The following IFT140 variants were observed in gnomAD, a reference collection of about 807,000 sequenced individuals.
IFT140 encodes the protein intraflagellar transport protein 140 homolog.
A neutral mutation model predicts 164.6 loss-of-function variants in IFT140; 133 were observed. The observed-to-expected ratio is 0.81, with a 90% CI of 0.70 to 0.93. IFT140 has a LOEUF of 0.93. Among genes scored for constraint, IFT140 ranks in the 40% least tolerant of loss-of-function variants. The pLI is 0.00. For synonymous variants in IFT140, 860 were observed against 817.3 expected (o/e 1.05, Z -0.89); for missense variants, 2,045 against 1,972.3 (o/e 1.04, Z -0.70).
chr16:1,535,799 C>T (rs2031006973), intron 19 of IFT140, among the ~76,000 whole-genome samples: 1 of 152,254 alleles, frequency 6.6e-6, no homozygotes, highest in African/African-American at 2.4e-5. Context: ...CTCTCGCATC[C>T]TTCACCAGCA....
At chr16:1,598,243 G>A (rs897321893) in intron 4 of IFT140, among the ~76,000 whole-genome samples, 10 of 152,208 alleles carry the variant, frequency 6.6e-5, no homozygotes, top group African/African-American at 2.4e-4. Context: ...CAGATCACGA[G>A]GTCAGGAGAT....
chr16:1,523,750 G>T, intron 25 of IFT140, 50 bp from the exon 26 acceptor site: 1 of 1,606,104 alleles, frequency 6.2e-7, no homozygotes, highest in Non-Finnish European at 8.5e-7. Flanking sequence ...GGGGGCCCGA[G>T]CACGGAGGCC....
At position 1,586,337 on chromosome 16, in the gene IFT140, G is replaced by A; in HGVS notation, c.1010-62C>T. The A allele has an allele frequency of 2.0e-6, 3 of 1,515,184 alleles. No homozygotes were observed. In the South Asian group the frequency reaches 3.7e-5, roughly 19 times the overall value. The allele number at this position is 1,515,184 out of a possible 1,614,324, so 93.9% of individuals were successfully genotyped here. Reference sequence around the variant, plus strand: ...AAAAAAGGGAACAAAACAGCAACAAGCTCTGTTCTCTAACCCCCTTCTTCA... The same window carrying A: ...AAAAAAGGGAACAAAACAGCAACAAACTCTGTTCTCTAACCCCCTTCTTCA... On this transcript the variant is annotated intron_variant, in intron 9 of 30. Transcript: ENST00000426508.
chr16:1,526,241 T>TG, intron 20 of IFT140, 164 bp from the exon 21 acceptor site: 1 of 676,436 alleles, frequency 1.5e-6, no homozygotes, highest in Non-Finnish European at 2.5e-6. Context: ...CCACGGGGCA[T>TG]CCCCGTCCCA....
At chr16:1,542,930 G>T (rs933318854) in intron 19 of IFT140, among the ~76,000 whole-genome samples, 1 of 152,248 alleles carries the variant, frequency 6.6e-6, no homozygotes, top group African/African-American at 2.4e-5. Context: ...TGTCGTCAAC[G>T]ACCTATGGAA....
chr16:1,554,700 T>G, intron 19 of IFT140: 1 of 1,501,112 alleles, frequency 6.7e-7, no homozygotes, highest in Non-Finnish European at 9.0e-7. Flanking sequence ...GGCTGGAACC[T>G]GCTCTAGGAC....
chr16:1,595,262 G>C (rs1180326385), intron 4 of IFT140, among the ~76,000 whole-genome samples: 1 of 151,946 alleles, frequency 6.6e-6, no homozygotes, highest in Non-Finnish European at 1.5e-5. Flanking sequence ...TCCAGCCTGG[G>C]TGACAGAGTG....
intron 19 of IFT140, among the ~76,000 whole-genome samples, chr16:1,549,072 G>A (rs1019501577): frequency 6.6e-6 from 1 of 152,190 alleles, no homozygotes; most frequent in Non-Finnish European, 1.5e-5. Flanking sequence ...GCAACGTCCC[G>A]TTTTCACCGC....
chr16:1,579,100 T>C (rs1373449484), intron 13 of IFT140: 6 of 152,240 alleles, frequency 3.9e-5, no homozygotes, highest in Admixed American at 3.9e-4. Flanking sequence ...AGCAGTTGAT[T>C]GACACATATG....
intron 4 of IFT140, among the ~76,000 whole-genome samples, chr16:1,600,355 C>T (rs1423002276): frequency 2.1e-5 from 3 of 141,614 alleles, no homozygotes; most frequent in Non-Finnish European, 4.6e-5. Context: ...AACCAGAGAC[C>T]TTTGTTCACT....
chr16:1,557,859 A>G, intron 19 of IFT140, 76 bp downstream of exon 19: 1 of 1,435,020 alleles, frequency 7.0e-7, no homozygotes, highest in African/African-American at 1.4e-5. Flanking sequence ...AGGCGAACCA[A>G]GAAGGCAAAC....
intron 17 of IFT140, 48 bp from the exon 18 acceptor site, chr16:1,562,164 T>C (rs777997211): frequency 3.3e-6 from 5 of 1,503,480 alleles, no homozygotes; most frequent in Non-Finnish European, 4.4e-6. Flanking sequence ...TTAACTTACA[T>C]AAATTTCTGG....
rs2141229455 is a variant in IFT140, at chr16:1,533,087, A to G, written c.2400-6291T>C. 1 of 150,264 alleles carries G rather than the reference A, an allele frequency of 6.7e-6. No homozygotes were observed. Among genetic ancestry groups the G allele is most frequent in the South Asian group, 2.1e-4 (1 of 4,776 alleles). 9.3% of individuals were successfully genotyped at this position (150,264 alleles called of 1,614,324 possible). On this transcript the variant is annotated intron_variant, in intron 19 of 30. Coordinates refer to ENST00000426508, the MANE Select transcript of IFT140 (RefSeq NM_014714.4). This position sits in a 1 kb window ranked among gnomAD's most constrained non-coding sequence, Gnocchi z 4.7. ...AGGTCCCTGGCCCCGAGGTCCTCCA[A>G]GTACAGGTCCCTGGCCCCAAGGCCC...
At position 1,568,224 on chromosome 16, in the gene IFT140, G is replaced by T; in HGVS notation, c.1763C>A (p.Pro588His). 6.2e-7 allele frequency: 1 copy of T among 1,600,084 alleles called. No homozygotes were observed. Among genetic ancestry groups the T allele is most frequent in the Non-Finnish European group, 8.5e-7 (1 of 1,173,920 alleles). ...SSSGSTISIL[P>H]SKADNSPDSK... is the part of the protein sequence containing the mutation. Reference sequence around the variant, plus strand: ...GACGAGGGGTGGCCTCACCTTGCTGGGGAGGATGCTGATGGTGCTCCCGCT... The same window carrying T: ...GACGAGGGGTGGCCTCACCTTGCTGTGGAGGATGCTGATGGTGCTCCCGCT... Residue 588 changes from proline (P) to histidine (H), a missense_variant, in exon 15 of 31, where the codon CCC (proline) becomes CAC (histidine). Pro to His is a moderately conservative substitution (Grantham distance 77). Coordinates refer to ENST00000426508, the MANE Select transcript of IFT140 (RefSeq NM_014714.4).
At chr16:1,573,554 C>T (rs913408197) in intron 13 of IFT140, among the ~76,000 whole-genome samples, 22 of 152,158 alleles carry the variant, frequency 1.4e-4, no homozygotes, top group African/African-American at 5.1e-4. Flanking sequence ...GCCCTGCCCC[C>T]TATGCCAGCT....
intron 4 of IFT140, among the ~76,000 whole-genome samples, chr16:1,593,692 C>G (rs1245796204): frequency 6.6e-6 from 1 of 152,010 alleles, no homozygotes; most frequent in Non-Finnish European, 1.5e-5. Context: ...TCATAGTTGC[C>G]TGGGGTGGAG....
At chr16:1,596,614 T>C (rs562508210) in intron 4 of IFT140, among the ~76,000 whole-genome samples, 2 of 152,264 alleles carry the variant, frequency 1.3e-5, no homozygotes, top group African/African-American at 4.8e-5. Context: ...AGATGTCTAC[T>C]ATCAAGAGCT....
chr16:1,550,603 C>T (rs1469190259), intron 19 of IFT140, among the ~76,000 whole-genome samples: 6 of 152,114 alleles, frequency 3.9e-5, no homozygotes, highest in Admixed American at 2.0e-4. Flanking sequence ...CTAGGGCACC[C>T]GGCAGGCTGC....
At chr16:1,529,934 G>A (rs2030266185) in intron 19 of IFT140, among the ~76,000 whole-genome samples, 2 of 152,022 alleles carry the variant, frequency 1.3e-5, no homozygotes, top group African/African-American at 4.8e-5. Flanking sequence ...TGTCCTCACT[G>A]CACAGCTTCC....
Sources: allele counts gnomAD v4.1 joint callset (sites outside exome capture counted in the v4.1 genomes callset), GRCh38; gene constraint gnomAD v4.1.1; non-coding constraint Gnocchi (gnomAD v3.1); transcripts MANE v1.5; gene names NCBI Gene and HGNC (gene_info 2026-07-23, HGNC 2026-07-21).